FAM81A: variants seen among roughly 807,000 people sequenced by gnomAD.
The protein encoded by FAM81A is family with sequence similarity 81 member A.
In FAM81A, 19 loss-of-function variants were observed where a neutral mutation model predicts 46.7. That is an observed-to-expected ratio of 0.41 (90% CI 0.28 to 0.60). The LOEUF (loss-of-function observed/expected upper bound fraction) is 0.60. Ranked by LOEUF, FAM81A falls within the 20% of genes least tolerant of loss-of-function variation. The pLI, the probability that FAM81A is intolerant of heterozygous loss-of-function variation, is 0.34. For synonymous variants in FAM81A, 183 were observed against 152.9 expected, an observed-to-expected ratio of 1.20 and a Z score of -1.45; for missense variants, 377 against 453.5, an observed-to-expected ratio of 0.83 and a Z score of 1.53.
intron 8 of FAM81A, among the ~76,000 whole-genome samples, chr15:59,520,106 T>G (rs1171991740): frequency 6.6e-6 from 1 of 151,796 alleles, no homozygotes; most frequent in Non-Finnish European, 1.5e-5. Context: ...GTGATTTTTT[T>G]TTTTAAATCA....
chr15:59,480,896 C>A (rs537915610), intron 3 of FAM81A, among the ~76,000 whole-genome samples: 1 of 152,322 alleles, frequency 6.6e-6, no homozygotes, highest in South Asian at 2.1e-4. Flanking sequence ...AGCCGTCTAA[C>A]ACCTTCTGTT....
chr15:59,463,224 A>G (rs1235847740), intron 3 of FAM81A, among the ~76,000 whole-genome samples: 3 of 151,940 alleles, frequency 2.0e-5, no homozygotes, highest in Non-Finnish European at 2.9e-5. Context: ...TTTTTTTTTC[A>G]TCTCGCTATC....
At chr15:59,502,906 C>A (rs2082110144) in intron 4 of FAM81A, among the ~76,000 whole-genome samples, 1 of 151,940 alleles carries the variant, frequency 6.6e-6, no homozygotes, top group Non-Finnish European at 1.5e-5. Flanking sequence ...TACAAAAGTA[C>A]ACGAGGGATG....
intron 1 of FAM81A, among the ~76,000 whole-genome samples, chr15:59,452,757 T>C (rs2081434471): frequency 6.6e-6 from 1 of 152,136 alleles, no homozygotes; most frequent in Non-Finnish European, 1.5e-5. Flanking sequence ...TATGAAGTAT[T>C]ATTATATTAT....
chr15:59,419,002 G>A (rs1022023024), intron 2 of FAM81A, among the ~76,000 whole-genome samples: 1 of 152,210 alleles, frequency 6.6e-6, no homozygotes, highest in Admixed American at 6.5e-5. Flanking sequence ...TTAGGCAGAA[G>A]ACTGATTCAA....
At chr15:59,465,790 C>T (rs1272254333) in intron 3 of FAM81A, among the ~76,000 whole-genome samples, 1 of 152,114 alleles carries the variant, frequency 6.6e-6, no homozygotes. Flanking sequence ...TGGTTTGCTG[C>T]ACCCATCAAC....
chr15:59,456,118 C>G (rs2081480523), intron 1 of FAM81A, among the ~76,000 whole-genome samples: 1 of 152,122 alleles, frequency 6.6e-6, no homozygotes, highest in Non-Finnish European at 1.5e-5. Flanking sequence ...TGGAGAAATG[C>G]AAGAGAGAGA....
chr15:59,492,464 T>C (rs1368157413), intron 4 of FAM81A, 75 bp downstream of exon 4: 3 of 1,177,204 alleles, frequency 2.5e-6, no homozygotes, highest in African/African-American at 3.0e-5. Context: ...GGGGAATATA[T>C]TAATGAAGCC....
chr15:59,466,023 G>A (rs1257746562), intron 3 of FAM81A, among the ~76,000 whole-genome samples: 3 of 152,164 alleles, frequency 2.0e-5, no homozygotes, highest in African/African-American at 7.2e-5. Flanking sequence ...CCGTGTCCCT[G>A]CAAAGGACAT....
At position 59,460,253 on chromosome 15, in the gene FAM81A, TG is replaced by T. The variant is rs757386793; in HGVS notation, c.294+48del. The T allele has an allele frequency of 1.2e-5, 19 of 1,613,478 alleles. No homozygotes were observed. Among genetic ancestry groups the T allele is most frequent in the Non-Finnish European group, 1.6e-5 (19 of 1,179,730 alleles). On this transcript the variant is annotated intron_variant, in intron 3 of 8. Coordinates refer to ENST00000288228, the MANE Select transcript of FAM81A (RefSeq NM_152450.3). This position sits in a 1 kb window ranked among gnomAD's most constrained non-coding sequence, Gnocchi z 4.4. ...TGGCCTATGTCCCTTTCCACAGAAT[TG>T]CTCCATGTCAGGAGGTCACCCACAT...
intron 3 of FAM81A, among the ~76,000 whole-genome samples, chr15:59,480,207 AATACTACCTT>A (rs1330045252): frequency 6.6e-6 from 1 of 152,234 alleles, no homozygotes; most frequent in African/African-American, 2.4e-5. Context: ...CCTGTAGGGG[AATACTACCTT>A]ATAATTCGCT....
At chr15:59,414,803 C>T (rs1263519077) in intron 2 of FAM81A, among the ~76,000 whole-genome samples, 7 of 151,998 alleles carry the variant, frequency 4.6e-5, no homozygotes, top group South Asian at 2.1e-4. Context: ...CATTACCTGA[C>T]GTGGTAAAAG....
chr15:59,474,438 G>A (rs1337198420), intron 3 of FAM81A, among the ~76,000 whole-genome samples: 1 of 152,200 alleles, frequency 6.6e-6, no homozygotes, highest in Non-Finnish European at 1.5e-5. Context: ...GGGCAAGAAT[G>A]ATGAATCCTG....
chr15:59,521,589 T>C lies in FAM81A; in HGVS notation c.*211T>C. On this transcript the variant is annotated 3_prime_UTR_variant, in exon 9 of 9. Coordinates refer to ENST00000288228, the MANE Select transcript of FAM81A (RefSeq NM_152450.3). ...GAAATACAGTTTTTACCAGTTTATTTCACTTCTCTAAATTCAATGGAAATC... is the reference window on the plus strand; with the variant it reads ...GAAATACAGTTTTTACCAGTTTATTCCACTTCTCTAAATTCAATGGAAATC... 6.5e-6 allele frequency: 3 copies of C among 459,438 alleles called. No individual in the cohort carries two copies. Among genetic ancestry groups the C allele is most frequent in the Non-Finnish European group, 1.1e-5 (3 of 281,768 alleles). The allele number at this position is 459,438 out of a possible 1,614,324, so 28.5% of individuals were successfully genotyped here.
At chr15:59,399,976 T>C (rs1404628688) in intron 1 of FAM81A, among the ~76,000 whole-genome samples, 1 of 152,080 alleles carries the variant, frequency 6.6e-6, no homozygotes, top group Non-Finnish European at 1.5e-5. Context: ...TCAGAGAGGC[T>C]CCAGGGAGGG....
chr15:59,409,259 C>T (rs558232914), intron 2 of FAM81A, among the ~76,000 whole-genome samples: 1 of 152,238 alleles, frequency 6.6e-6, no homozygotes, highest in East Asian at 1.9e-4. Context: ...CACTCTCCTG[C>T]CTCCGGACTC....
chr15:59,458,763 A>G, intron 2 of FAM81A, 117 bp downstream of exon 2: 1 of 913,788 alleles, frequency 1.1e-6, no homozygotes, highest in South Asian at 1.4e-5. Flanking sequence ...CAAGAGAAAC[A>G]CTATTGTGTC....
intron 3 of FAM81A, among the ~76,000 whole-genome samples, chr15:59,463,165 C>A (rs2081572965): frequency 6.6e-6 from 1 of 152,058 alleles, no homozygotes; most frequent in African/African-American, 2.4e-5. Context: ...GTCTGTGAAC[C>A]ATTTTGAGGT....
intron 7 of FAM81A, among the ~76,000 whole-genome samples, chr15:59,515,942 T>G (rs1419298813): frequency 6.6e-6 from 1 of 152,166 alleles, no homozygotes; most frequent in Non-Finnish European, 1.5e-5. Flanking sequence ...CAGTTTAACT[T>G]TTTGCCAACC....
Sources: allele counts gnomAD v4.1 joint callset (sites outside exome capture counted in the v4.1 genomes callset), GRCh38; gene constraint gnomAD v4.1.1; non-coding constraint Gnocchi (gnomAD v3.1); transcripts MANE v1.5; gene names NCBI Gene and HGNC (gene_info 2026-07-23, HGNC 2026-07-21).